Variants in HMGCLL1 observed in about 807,000 individuals in gnomAD.
HMGCLL1 encodes the protein 3-hydroxymethyl-3-methylglutaryl-CoA lyase, cytoplasmic.
Under a neutral mutation model 39.1 loss-of-function variants are expected in HMGCLL1, and 36 were observed. The observed-to-expected ratio is 0.92, with a 90% CI of 0.71 to 1.22. The LOEUF (loss-of-function observed/expected upper bound fraction) is 1.22. Among genes scored for constraint, HMGCLL1 ranks in the 50% most tolerant of loss-of-function variants. HMGCLL1 has a pLI of 0.00. For missense variants in HMGCLL1, 451 were observed against 416.5 expected, an observed-to-expected ratio of 1.08 and a Z score of -0.72; for synonymous variants, 149 against 144.0, an observed-to-expected ratio of 1.03 and a Z score of -0.25.
intron 5 of HMGCLL1, among the ~76,000 whole-genome samples, chr6:55,509,802 G>A (rs1184252611): frequency 1.3e-5 from 2 of 151,846 alleles, no homozygotes; most frequent in African/African-American, 4.8e-5. Flanking sequence ...AAGCATTTAA[G>A]ACCAAATTAA....
upstream of HMGCLL1, among the ~76,000 whole-genome samples, chr6:55,582,665 A>G (rs562124745): frequency 6.6e-6 from 1 of 152,292 alleles, no homozygotes; most frequent in South Asian, 2.1e-4. Flanking sequence ...GTTTCTTATT[A>G]CAGCAATTTT....
chr6:55,542,049 T>C lies in HMGCLL1; in HGVS notation c.189+11A>G. The C allele has an allele frequency of 6.5e-7, 1 of 1,536,070 alleles. No homozygotes were observed. Among genetic ancestry groups the C allele is most frequent in the Non-Finnish European group, 9.0e-7 (1 of 1,111,630 alleles). ...TGTAGACAGCATTTGAAGTAAATGATGTAAAACTACCTTTTCATTCTGCAA... is the reference window on the plus strand; with the variant it reads ...TGTAGACAGCATTTGAAGTAAATGACGTAAAACTACCTTTTCATTCTGCAA... On this transcript the variant is annotated intron_variant, in intron 2 of 8. Transcript: ENST00000274901.
At chr6:55,463,481 A>G (rs921218649) in intron 7 of HMGCLL1, among the ~76,000 whole-genome samples, 2 of 152,108 alleles carry the variant, frequency 1.3e-5, no homozygotes, top group African/African-American at 4.8e-5. Context: ...TTTCTTTAGA[A>G]CTCTCTACTA....
chr6:55,475,502 C>T (rs907732800), intron 7 of HMGCLL1, among the ~76,000 whole-genome samples: 2 of 151,582 alleles, frequency 1.3e-5, no homozygotes, highest in Non-Finnish European at 3.0e-5. Flanking sequence ...GCTCTTCAAC[C>T]TCAGTTTTCT....
chr6:55,502,551 C>T (rs1466665252), intron 5 of HMGCLL1, among the ~76,000 whole-genome samples: 1 of 151,660 alleles, frequency 6.6e-6, no homozygotes, highest in Admixed American at 6.6e-5. Flanking sequence ...TTTCTCAAAT[C>T]TTAATTGCAG....
chr6:55,650,090 C>CAAATATAT, the HMGCLL1 span, among the ~76,000 whole-genome samples: 1 of 52,300 alleles, frequency 1.9e-5, no homozygotes, highest in Non-Finnish European at 3.4e-5. Flanking sequence ...CACACATATA[C>CAAATATAT]ATATATATAT....
intron 7 of HMGCLL1, among the ~76,000 whole-genome samples, chr6:55,469,831 G>A (rs1233094618): frequency 6.6e-6 from 1 of 151,778 alleles, no homozygotes; most frequent in Admixed American, 6.6e-5. Context: ...ATGCCATTAA[G>A]TTATTTACAA....
chr6:55,592,771 A>G, the HMGCLL1 span, among the ~76,000 whole-genome samples: 1 of 152,074 alleles, frequency 6.6e-6, no homozygotes, highest in Non-Finnish European at 1.5e-5. Context: ...TTAAGTGGAC[A>G]CTAATTCATG....
At chr6:55,484,305 A>G (rs571942352) in intron 7 of HMGCLL1, among the ~76,000 whole-genome samples, 1 of 151,580 alleles carries the variant, frequency 6.6e-6, no homozygotes, top group Non-Finnish European at 1.5e-5. Context: ...TTACTTCATA[A>G]ATCACTATTT....
the HMGCLL1 span, among the ~76,000 whole-genome samples, chr6:55,598,665 AT>A: frequency 9.2e-5 from 14 of 152,254 alleles, 1 homozygote; most frequent in African/African-American, 2.6e-4. Context: ...GAAGTTAATT[AT>A]TTTTTGCATG....
chr6:55,449,920 AT>A (rs5876449), intron 7 of HMGCLL1, among the ~76,000 whole-genome samples: 67,615 of 150,474 alleles, frequency 0.45, 15,176 homozygotes, highest in African/African-American at 0.49. Context: ...TATTGCTACT[AT>A]TTTTTTTTTA....
At chr6:55,481,093 A>C (rs544440292) in intron 7 of HMGCLL1, among the ~76,000 whole-genome samples, 3 of 152,214 alleles carry the variant, frequency 2.0e-5, no homozygotes, top group Non-Finnish European at 4.4e-5. Flanking sequence ...ACAATAATTT[A>C]TTGCAGGCTG....
At chr6:55,606,141 C>A in the HMGCLL1 span, among the ~76,000 whole-genome samples, 1 of 151,950 alleles carries the variant, frequency 6.6e-6, no homozygotes, top group East Asian at 1.9e-4. Context: ...TCTTTTTGAG[C>A]TAAGAAATGA....
chr6:55,495,289 C>A, intron 7 of HMGCLL1, 130 bp downstream of exon 7: 1 of 725,264 alleles, frequency 1.4e-6, no homozygotes, highest in Non-Finnish European at 2.2e-6. Context: ...CTGTCATGTA[C>A]AGACACTGGT....
chr6:55,613,137 C>T, the HMGCLL1 span, among the ~76,000 whole-genome samples: 1 of 152,004 alleles, frequency 6.6e-6, no homozygotes, highest in Non-Finnish European at 1.5e-5. Context: ...GGGCAAAGGA[C>T]ATGAACAGAC....
the HMGCLL1 span, among the ~76,000 whole-genome samples, chr6:55,606,565 T>TAA: frequency 1.3e-5 from 2 of 152,182 alleles, no homozygotes; most frequent in African/African-American, 4.8e-5. Context: ...ATAGTTTTTT[T>TAA]AAAAATTTAT....
chr6:55,545,397 A>G (rs1769905069), intron 1 of HMGCLL1, among the ~76,000 whole-genome samples: 1 of 152,180 alleles, frequency 6.6e-6, no homozygotes, highest in Admixed American at 6.6e-5. Flanking sequence ...GGCCATTTCA[A>G]TCAAAGCAGA....
At chr6:55,506,198 G>A (rs1646959857) in intron 5 of HMGCLL1, among the ~76,000 whole-genome samples, 1 of 151,642 alleles carries the variant, frequency 6.6e-6, no homozygotes, top group South Asian at 2.1e-4. Context: ...ATAGAGACTG[G>A]TTCAGACTGA....
upstream of HMGCLL1, among the ~76,000 whole-genome samples, chr6:55,583,780 G>A (rs140619137): frequency 5.3e-5 from 8 of 152,198 alleles, no homozygotes; most frequent in African/African-American, 1.9e-4. Context: ...TTGCTTCACT[G>A]GGATATCTAA....
Sources: gnomAD v4.1 joint callset for allele counts (sites outside exome capture counted in the v4.1 genomes callset) on GRCh38, gnomAD v4.1.1 for gene constraint, MANE v1.5 for transcripts, NCBI Gene and HGNC (gene_info 2026-07-23, HGNC 2026-07-21) for gene names.